PLAGL1: variants seen among roughly 807,000 people sequenced by gnomAD.
PLAGL1 encodes zinc finger protein PLAGL1.
In PLAGL1, 1 loss-of-function variant was observed where a neutral mutation model predicts 4.6. The ratio of observed to expected loss-of-function variants is 0.22; its 90% confidence interval spans 0.08 to 1.03. The LOEUF is 1.03. PLAGL1 is among the 50% of genes least tolerant of loss of function. PLAGL1 has a pLI of 0.58. For missense variants in PLAGL1, 464 were observed against 570.4 expected (o/e 0.81, Z 1.90); for synonymous variants, 240 against 237.8 (o/e 1.01, Z -0.08).
intron 2 of PLAGL1, among the ~76,000 whole-genome samples, chr6:143,977,348 T>G (rs1282765928): frequency 6.6e-6 from 1 of 152,162 alleles, no homozygotes; most frequent in Non-Finnish European, 1.5e-5. Context: ...TGAAATTATA[T>G]AGTATGCAGC....
intron 1 of PLAGL1, chr6:144,007,280 T>A (rs562296792): frequency 6.6e-6 from 1 of 152,214 alleles, no homozygotes; most frequent in East Asian, 1.9e-4. Context: ...GGTGGGTTAA[T>A]ACGCGGAGGG....
chr6:144,041,854 AC>A (rs1217663860), intron 1 of PLAGL1, among the ~76,000 whole-genome samples: 1 of 152,076 alleles, frequency 6.6e-6, no homozygotes. Context: ...CCTGTTCCTG[AC>A]TTTTTAATGA....
In PLAGL1 at chr6:144,004,183, A is replaced by C. The variant is rs1261317046; in HGVS notation, c.-584+3907T>G. Among the ~76,000 whole-genome samples, 1 of 58,130 alleles carries C rather than the reference A, an allele frequency of 1.7e-5. No individual in the cohort carries two copies. Among genetic ancestry groups the C allele is most frequent in the Non-Finnish European group, 4.0e-5 (1 of 24,710 alleles). The allele number at this position is 58,130 out of a possible 152,430, so 38.1% of individuals were successfully genotyped here. On this transcript the variant is annotated intron_variant, in intron 1 of 7. Transcript: ENST00000674357. This position sits in a 1 kb window ranked among gnomAD's most constrained non-coding sequence, Gnocchi z 4.2. Reference sequence around the variant, plus strand: ...CAAATGGGGATAACTATGTTCCAGTAATTTTTTTTTTTTTTAAGATGGGGT... The same window carrying C: ...CAAATGGGGATAACTATGTTCCAGTCATTTTTTTTTTTTTTAAGATGGGGT...
chr6:144,030,528 C>A (rs1277817083), intron 1 of PLAGL1, among the ~76,000 whole-genome samples: 1 of 152,112 alleles, frequency 6.6e-6, no homozygotes, highest in Non-Finnish European at 1.5e-5. Context: ...CCCCAAAGTC[C>A]AATGTATCAT....
Position 143,948,041 on chromosome 6 carries a change from G to C in PLAGL1, c.96C>G (p.Tyr32Ter). The change falls in exon 7 of 8, where the codon TAC (tyrosine) becomes TAG (stop). Residue 32 changes from tyrosine to a stop codon, truncating the protein, a stop_gained. Coordinates refer to ENST00000674357, the MANE Select transcript of PLAGL1 (RefSeq NM_001317162.2). LOFTEE classifies it high-confidence loss of function. The surrounding 1 kb of genome is among the most constrained non-coding windows in gnomAD (Gnocchi z 6.0). Reference protein sequence around the residue: ...HNYSHSRERPYKCVQPDCGKA... With the variant: ...HNYSHSRERP ...TGCCACAGTCAGGCTGCACACACTTGTACGGCCGCTCCCTGGAGTGGGAAT... is the reference window on the plus strand; with the variant it reads ...TGCCACAGTCAGGCTGCACACACTTCTACGGCCGCTCCCTGGAGTGGGAAT... The C allele has an allele frequency of 6.2e-7, 1 of 1,614,080 alleles. No individual in the cohort carries two copies. The highest frequency in any genetic ancestry group is 8.5e-7 in the Non-Finnish European group (1 of 1,179,944).
At chr6:144,046,919 C>G (rs765420871) in intron 1 of PLAGL1, among the ~76,000 whole-genome samples, 1 of 152,226 alleles carries the variant, frequency 6.6e-6, no homozygotes, top group East Asian at 1.9e-4. Context: ...ACCCCTCCCC[C>G]AGCCAGGCTG....
At position 143,950,788 on chromosome 6, in the gene PLAGL1, T is replaced by C. The variant is rs1487539114; in HGVS notation, c.-324-2328A>G. Among the ~76,000 whole-genome samples, 1 of 152,202 alleles carries C rather than the reference T, an allele frequency of 6.6e-6. No individual in the cohort carries two copies. The highest frequency in any genetic ancestry group is 1.9e-4 in the East Asian group (1 of 5,198). ...TTCTTGCTTTATGAGATGACTGGCA[T>C]GTCCAACAGAACTTTCTGCAATGAT... On this transcript the variant is annotated intron_variant, in intron 6 of 7. Transcript: ENST00000674357. This position sits in a 1 kb window ranked among gnomAD's most constrained non-coding sequence, Gnocchi z 6.3.
chr6:144,001,627 T>C (rs1792903944), intron 1 of PLAGL1, among the ~76,000 whole-genome samples: 1 of 152,162 alleles, frequency 6.6e-6, no homozygotes, highest in African/African-American at 2.4e-5. Context: ...ACTGTGGACT[T>C]TCTCCTAACA....
At position 144,013,856 on chromosome 6, in the gene PLAGL1, G is replaced by C. The variant is rs191129175; in HGVS notation, c.-150-44878C>G. Among the ~76,000 whole-genome samples the C allele has an allele frequency of 2.9e-3, 449 of 152,278 alleles. 1 individual carries two copies. The highest frequency in any genetic ancestry group is 5.0e-3 in the Non-Finnish European group (343 of 68,020). Reference sequence around the variant, plus strand: ...CCTCATTTCAAGATCCGTAACTTAAGTCACATCTGCAAAGACCCTTTTATT... The same window carrying C: ...CCTCATTTCAAGATCCGTAACTTAACTCACATCTGCAAAGACCCTTTTATT... On this transcript the variant is annotated intron_variant, in intron 1 of 3. Coordinates refer to the PLAGL1 transcript ENST00000437412. The surrounding 1 kb of genome is among the most constrained non-coding windows in gnomAD (Gnocchi z 4.4).
At chr6:144,057,083 A>G (rs1799027996) in intron 1 of PLAGL1, among the ~76,000 whole-genome samples, 1 of 152,206 alleles carries the variant, frequency 6.6e-6, no homozygotes, top group African/African-American at 2.4e-5. Context: ...TAACATCCTC[A>G]TACTGGTCTT....
At position 143,975,709 on chromosome 6, in the gene PLAGL1, A is replaced by G. The variant is rs2128591396; in HGVS notation, c.-543-6731T>C. Among the ~76,000 whole-genome samples, 1 of 152,346 alleles carries G rather than the reference A, an allele frequency of 6.6e-6. No individual in the cohort carries two copies. On this transcript the variant is annotated intron_variant, in intron 2 of 7. Transcript: ENST00000674357. This position sits in a 1 kb window ranked among gnomAD's most constrained non-coding sequence, Gnocchi z 5.8. ...CAAGATCAAACTATTATAAAAGAGAAAGAAGCTACTTTACAAAACAGAAAC... is the reference window on the plus strand; with the variant it reads ...CAAGATCAAACTATTATAAAAGAGAGAGAAGCTACTTTACAAAACAGAAAC...
At chr6:144,024,188 C>T (rs1157169276) in intron 1 of PLAGL1, among the ~76,000 whole-genome samples, 1 of 152,196 alleles carries the variant, frequency 6.6e-6, no homozygotes, top group Non-Finnish European at 1.5e-5. Flanking sequence ...GGCCTACATG[C>T]AGTGACACTC....
At position 144,055,085 on chromosome 6, in the gene PLAGL1, T is replaced by C. The variant is rs1172704513; in HGVS notation, c.-151+9383A>G. Among the ~76,000 whole-genome samples the C allele has an allele frequency of 1.3e-5, 2 of 152,062 alleles. No homozygotes were observed. Among genetic ancestry groups the C allele is most frequent in the African/African-American group, 2.4e-5 (1 of 41,400 alleles). ...CAAGTGTTATTGAAGCTCAAAAAAATAGAACTTTCTATTGAAAAACACCCT... is the reference window on the plus strand; with the variant it reads ...CAAGTGTTATTGAAGCTCAAAAAAACAGAACTTTCTATTGAAAAACACCCT... On this transcript the variant is annotated intron_variant, in intron 1 of 3. Coordinates refer to the PLAGL1 transcript ENST00000437412. This position sits in a 1 kb window ranked among gnomAD's most constrained non-coding sequence, Gnocchi z 5.0.
intron 1 of PLAGL1, among the ~76,000 whole-genome samples, chr6:144,026,390 A>G (rs1454790970): frequency 6.6e-6 from 1 of 152,228 alleles, no homozygotes; most frequent in Non-Finnish European, 1.5e-5. Flanking sequence ...AAAAAATAGT[A>G]CTGCATTAAC....
upstream of PLAGL1, chr6:144,008,674 C>G (rs1794875513): frequency 6.6e-6 from 1 of 152,388 alleles, no homozygotes; most frequent in Admixed American, 6.5e-5. The surrounding 1 kb of genome is among the most constrained non-coding windows in gnomAD (Gnocchi z 6.9). Flanking sequence ...CCGCCAGAGC[C>G]CAATCACACA....
chr6:143,947,891 T>A lies in PLAGL1; in HGVS notation c.152+94A>T, dbSNP rs1448449850. On this transcript the variant is annotated intron_variant, in intron 7 of 7. Coordinates refer to ENST00000674357, the MANE Select transcript of PLAGL1 (RefSeq NM_001317162.2). The surrounding 1 kb of genome is among the most constrained non-coding windows in gnomAD (Gnocchi z 4.3). ...CAAAGGCTAAAATGCATCCATATCC[T>A]GTGTCCCTTTCCCCTTGCATCGTGT... 3 of 991,830 alleles carry A rather than the reference T, an allele frequency of 3.0e-6. No homozygotes were observed. The highest frequency in any genetic ancestry group is 4.6e-6 in the Non-Finnish European group (3 of 648,738). 61.4% of individuals were successfully genotyped at this position (991,830 alleles called of 1,614,324 possible). A position where few individuals can be genotyped will look rare whatever the true frequency, so the allele number is the denominator to read the frequency against.
rs1336253360 is a variant in PLAGL1, at chr6:144,027,801, T to C, written c.-151+36667A>G. 6.6e-6 allele frequency among the ~76,000 whole-genome samples: 1 copy of C among 152,246 alleles called. No homozygotes were observed. The highest frequency in any genetic ancestry group is 2.4e-5 in the African/African-American group (1 of 41,464). ...TAAACTTACTATTATATATCCATTC[T>C]AATAATCTCCATTTCTCCAGTCTTG... is the stretch of plus-strand genomic sequence containing the variant. On this transcript the variant is annotated intron_variant, in intron 1 of 3. Coordinates refer to the PLAGL1 transcript ENST00000437412. The surrounding 1 kb of genome is among the most constrained non-coding windows in gnomAD (Gnocchi z 5.8).
Position 143,979,165 on chromosome 6 carries a change from T to C in PLAGL1, c.-544+5970A>G, listed in dbSNP as rs577115147. Among the ~76,000 whole-genome samples the C allele has an allele frequency of 4.6e-5, 7 of 152,176 alleles. No individual in the cohort carries two copies. In the South Asian group the frequency reaches 1.0e-3, roughly 22 times the overall value. On this transcript the variant is annotated intron_variant, in intron 2 of 7. Transcript: ENST00000674357. The surrounding 1 kb of genome is among the most constrained non-coding windows in gnomAD (Gnocchi z 4.6). ...TCCGTTAGCTTATAATCTATTTGTG[T>C]CTTTACACATGAAGTGCATTTTTTT...
Position 144,056,660 on chromosome 6 carries a change from G to A in PLAGL1, c.-151+7808C>T, listed in dbSNP as rs1025755806. ...TCCTTTCATGGCTTGATAGCTCTTT[G>A]TTTTTGTTTTTGTTTTTTTAAATTT... On this transcript the variant is annotated intron_variant, in intron 1 of 3. Transcript: ENST00000437412. This position sits in a 1 kb window ranked among gnomAD's most constrained non-coding sequence, Gnocchi z 4.7. Among the ~76,000 whole-genome samples the A allele has an allele frequency of 6.7e-6, 1 of 149,754 alleles. No homozygotes were observed. The highest frequency in any genetic ancestry group is 1.9e-4 in the East Asian group (1 of 5,196).
Sources: gnomAD v4.1 joint callset for allele counts (sites outside exome capture counted in the v4.1 genomes callset) on GRCh38, gnomAD v4.1.1 for gene constraint, Gnocchi (gnomAD v3.1) non-coding constraint, MANE v1.5 for transcripts, NCBI Gene and HGNC (gene_info 2026-07-23, HGNC 2026-07-21) for gene names.